Variants in PDE1C observed in about 807,000 individuals in gnomAD.
PDE1C encodes the protein dual specificity calcium/calmodulin-dependent 3',5'-cyclic nucleotide phosphodiesterase 1C.
PDE1C carries 62 observed loss-of-function variants against 93.1 expected under a neutral mutation model. The observed-to-expected ratio is 0.67, with a 90% confidence interval of 0.54 to 0.82. The LOEUF (loss-of-function observed/expected upper bound fraction) is 0.82. Ranked by LOEUF, PDE1C falls within the 40% of genes least tolerant of loss-of-function variation. The pLI is 0.00. For missense variants in PDE1C, 742 were observed against 884.6 expected (o/e 0.84, Z 2.04); for synonymous variants, 325 against 310.1 (o/e 1.05, Z -0.50).
intron 3 of PDE1C, among the ~76,000 whole-genome samples, chr7:32,131,227 C>T (rs1799904394): frequency 6.6e-6 from 1 of 152,178 alleles, no homozygotes; most frequent in East Asian, 1.9e-4. Context: ...CTGTCACACA[C>T]ACCCATTAGA....
At chr7:32,215,166 C>T (rs748373985) in intron 1 of PDE1C, among the ~76,000 whole-genome samples, 3 of 151,638 alleles carry the variant, frequency 2.0e-5, no homozygotes, top group South Asian at 4.2e-4. Context: ...CAGCGGGGAC[C>T]GAGCATCACC....
At chr7:32,424,727 G>A (rs563423694) in intron 1 of PDE1C, among the ~76,000 whole-genome samples, 4 of 152,108 alleles carry the variant, frequency 2.6e-5, no homozygotes, top group African/African-American at 4.8e-5. Context: ...TAGGAGGATC[G>A]CTTGAGCCTG....
intron 1 of PDE1C, among the ~76,000 whole-genome samples, chr7:32,276,760 G>C (rs773186707): frequency 6.6e-6 from 1 of 152,018 alleles, no homozygotes; most frequent in Non-Finnish European, 1.5e-5. Flanking sequence ...CATAGCACCC[G>C]GTCCACAAGA....
chr7:32,031,450 T>A (rs1790304970), intron 2 of PDE1C, among the ~76,000 whole-genome samples: 1 of 152,144 alleles, frequency 6.6e-6, no homozygotes, highest in Non-Finnish European at 1.5e-5. Context: ...AGATGACACC[T>A]CTACACTGCT....
Position 32,147,984 on chromosome 7 carries a change from T to TA in PDE1C, c.308+21800dup, listed in dbSNP as rs752433564. 6.2e-3 allele frequency among the ~76,000 whole-genome samples: 492 copies of TA among 79,706 alleles called. 16 individuals carry two copies. The highest frequency in any genetic ancestry group is 0.01 in the Admixed American group (76 of 7,464). 52.3% of individuals were successfully genotyped at this position (79,706 alleles called of 152,430 possible). On this transcript the variant is annotated intron_variant, in intron 3 of 18. Transcript: ENST00000396193. ...AACTTGCCTCTCAACCCATTTATGC[T>TA]AAAAAAAAAAAAAAAAAAAAAGCCT...
At chr7:32,031,714 C>G (rs1790347068) in intron 2 of PDE1C, among the ~76,000 whole-genome samples, 1 of 152,084 alleles carries the variant, frequency 6.6e-6, no homozygotes, top group Non-Finnish European at 1.5e-5. Flanking sequence ...TAAATAGAAT[C>G]AACAGACTGG....
chr7:32,173,176 G>T (rs1044466639), intron 2 of PDE1C, among the ~76,000 whole-genome samples: 1 of 152,174 alleles, frequency 6.6e-6, no homozygotes, highest in Non-Finnish European at 1.5e-5. Flanking sequence ...ATACTATGCA[G>T]CCATAAAAAT....
intron 1 of PDE1C, among the ~76,000 whole-genome samples, chr7:32,252,291 TAA>T (rs1275481993): frequency 2.6e-5 from 4 of 152,212 alleles, no homozygotes; most frequent in Non-Finnish European, 2.9e-5. Context: ...CCCGGGACTA[TAA>T]GGCACAAACC....
At chr7:31,716,945 G>C in the PDE1C span, among the ~76,000 whole-genome samples, 2 of 152,268 alleles carry the variant, frequency 1.3e-5, no homozygotes, top group Admixed American at 6.5e-5. Flanking sequence ...TGAAAAAAAT[G>C]AATTTGTCGA....
rs76502591 is a variant in PDE1C, at chr7:32,331,193, T to G, written c.310+96629A>C. Among the ~76,000 whole-genome samples, 1,400 of 152,286 alleles carry G rather than the reference T, an allele frequency of 9.2e-3. 33 individuals are homozygous for G. The highest frequency in any genetic ancestry group is 0.032 in the African/African-American group (1,349 of 41,554). On this transcript the variant is annotated intron_variant, in intron 1 of 1. Coordinates refer to the PDE1C transcript ENST00000672256. The stretch of plus-strand genomic sequence containing the variant: ...AATACAAACAGGGTGGCCTCGGGGA[T>G]AGTGAGAAGCTCCATCCTCAGAAGG...
chr7:32,398,806 T>G (rs561380846), intron 1 of PDE1C, among the ~76,000 whole-genome samples: 183 of 152,020 alleles, frequency 1.2e-3, no homozygotes, highest in Non-Finnish European at 2.2e-3. Flanking sequence ...CGGCACATTC[T>G]CATTGGCACA....
intron 7 of PDE1C, among the ~76,000 whole-genome samples, chr7:31,860,209 C>A (rs1208006645): frequency 6.6e-6 from 1 of 152,172 alleles, no homozygotes; most frequent in Non-Finnish European, 1.5e-5. Context: ...GCCCCTCCAA[C>A]CAGTGGTTTA....
intron 1 of PDE1C, among the ~76,000 whole-genome samples, chr7:32,306,693 G>A (rs552277733): frequency 6.6e-6 from 1 of 152,260 alleles, no homozygotes; most frequent in Admixed American, 6.5e-5. Flanking sequence ...TTGATACTTA[G>A]AATAAAGTAA....
At chr7:32,095,141 TAATA>T (rs1016247787) in intron 3 of PDE1C, among the ~76,000 whole-genome samples, 3 of 152,246 alleles carry the variant, frequency 2.0e-5, no homozygotes, top group Admixed American at 2.0e-4. Context: ...AGGAAATTTA[TAATA>T]AATGCTTGCT....
At chr7:32,198,500 T>C (rs1427213168) in intron 2 of PDE1C, among the ~76,000 whole-genome samples, 1 of 152,212 alleles carries the variant, frequency 6.6e-6, no homozygotes, top group Non-Finnish European at 1.5e-5. Context: ...CTTTCAGAAC[T>C]GATATAGCAG....
At chr7:32,323,448 C>T (rs1375024838) in intron 1 of PDE1C, among the ~76,000 whole-genome samples, 2 of 152,138 alleles carry the variant, frequency 1.3e-5, no homozygotes, top group Non-Finnish European at 2.9e-5. Flanking sequence ...CAGTGTGAAT[C>T]AGAAACTGAA....
intron 3 of PDE1C, among the ~76,000 whole-genome samples, chr7:32,137,019 C>G (rs1343760795): frequency 1.3e-5 from 2 of 152,190 alleles, no homozygotes; most frequent in Non-Finnish European, 2.9e-5. Context: ...TGCATTCATT[C>G]TTGATCACAG....
chr7:31,822,989 G>T, intron 14 of PDE1C, 84 bp downstream of exon 14: 2 of 1,138,240 alleles, frequency 1.8e-6, no homozygotes, highest in Non-Finnish European at 2.5e-6. Flanking sequence ...CTGAGCAACT[G>T]TGCTTTATTT....
rs1790135149 is a variant in PDE1C at position 31,829,714 on chromosome 7, C to T, written c.1204-1341G>A. ...TCTGCACCCTCTTCCTATATAGACA[C>T]CCCAGCGGACACAATGGCTTCTTTA... On this transcript the variant is annotated intron_variant, in intron 11 of 17. Transcript: ENST00000396191. Among the ~76,000 whole-genome samples the T allele has an allele frequency of 3.3e-5, 5 of 152,018 alleles. No individual in the cohort carries two copies. In the South Asian group the frequency reaches 1.0e-3, roughly 32 times the overall value.
Sources: allele counts gnomAD v4.1 joint callset (sites outside exome capture counted in the v4.1 genomes callset), GRCh38; gene constraint gnomAD v4.1.1; transcripts MANE v1.5; gene names NCBI Gene and HGNC (gene_info 2026-07-23, HGNC 2026-07-21).